The following KIAA1217 variants were observed in gnomAD, a reference collection of about 807,000 sequenced individuals.
KIAA1217 encodes KIAA1217.
In KIAA1217, 88 loss-of-function variants were observed where a neutral mutation model predicts 163.9. The ratio of observed to expected loss-of-function variants is 0.54; its 90% CI spans 0.45 to 0.64. KIAA1217 has a LOEUF of 0.64. KIAA1217 is among the 30% of genes least tolerant of loss of function. The pLI is 0.00. For synonymous variants in KIAA1217, 903 were observed against 923.1 expected, an observed-to-expected ratio of 0.98 and a Z score of 0.39; for missense variants, 2,372 against 2,475.0, an observed-to-expected ratio of 0.96 and a Z score of 0.88.
rs1045435189 is a variant in KIAA1217, at chr10:24,417,914, C to A, written c.554-15081C>A. Among the ~76,000 whole-genome samples the A allele has an allele frequency of 2.5e-4, 37 of 150,026 alleles. 1 individual carries two copies. Among genetic ancestry groups the A allele is most frequent in the African/African-American group, 5.4e-4 (22 of 40,638 alleles). On this transcript the variant is annotated intron_variant, in intron 3 of 20. Coordinates refer to ENST00000376454, the MANE Select transcript of KIAA1217 (RefSeq NM_019590.5). ...TAAGTGGAATAAAAGTATAAAGGAG[C>A]AAGCACCATGGTTTTCTGTCATCTC...
intron 1 of KIAA1217, among the ~76,000 whole-genome samples, chr10:23,702,427 AAAC>A (rs1464812617): frequency 2.6e-5 from 4 of 152,190 alleles, no homozygotes; most frequent in Non-Finnish European, 5.9e-5. Flanking sequence ...TTTCTAATAG[AAAC>A]AACATTATAT....
chr10:24,237,257 C>T lies in KIAA1217; in HGVS notation c.354+17348C>T, dbSNP rs80139831. Among the ~76,000 whole-genome samples, 450 of 152,346 alleles carry T rather than the reference C, an allele frequency of 3.0e-3. 9 individuals carry two copies. The East Asian group carries it at 0.054, about 18-fold the overall frequency. ...TTCTGCCCAGCCTTCGTGTGTTGTC[C>T]TTATTGCTGGGATCCTTGTTGCCAA... On this transcript the variant is annotated intron_variant, in intron 2 of 20. Coordinates refer to ENST00000376454, the MANE Select transcript of KIAA1217 (RefSeq NM_019590.5).
rs1837298367 is a variant in KIAA1217, at chr10:23,712,173, G to A, written c.-321+16939G>A. ...ACAGGGTATCAAAATACCTGGCACA[G>A]AGGTGAAGAGAAAATTATGGTAGAA... On this transcript the variant is annotated intron_variant, in intron 1 of 18. Coordinates refer to the KIAA1217 transcript ENST00000376462. Among the ~76,000 whole-genome samples the A allele has an allele frequency of 3.3e-5, 5 of 152,106 alleles. No homozygotes were observed. The South Asian group carries it at 1.0e-3, about 31-fold the overall frequency.
intron 5 of KIAA1217, among the ~76,000 whole-genome samples, chr10:24,462,549 C>G (rs2132641437): frequency 6.6e-6 from 1 of 152,308 alleles, no homozygotes; most frequent in Admixed American, 6.5e-5. Flanking sequence ...CACTGCTTAG[C>G]AGCTATGGGA....
chr10:24,295,620 A>C (rs16924497), intron 2 of KIAA1217, among the ~76,000 whole-genome samples: 3,708 of 152,050 alleles, frequency 0.024, 159 homozygotes, highest in African/African-American at 0.085. Context: ...CCAATTTCTC[A>C]GGCCCCTGTT....
Position 24,546,979 on chromosome 10 carries a change from GA to G in KIAA1217, c.*659del, listed in dbSNP as rs1206252363. 1 of 151,678 alleles carries G rather than the reference GA, an allele frequency of 6.6e-6. No homozygotes were observed. Among genetic ancestry groups the G allele is most frequent in the Non-Finnish European group, 1.5e-5 (1 of 67,898 alleles). 9.4% of individuals were successfully genotyped at this position (151,678 alleles called of 1,614,324 possible). Reference sequence around the variant, plus strand: ...TTTATCAAACCTATTGCACTGCCATGAAAAGTGTGTATAATAATTTGCTAGC... The same window carrying G: ...TTTATCAAACCTATTGCACTGCCATGAAAGTGTGTATAATAATTTGCTAGC... On this transcript the variant is annotated 3_prime_UTR_variant, in exon 21 of 21. Transcript: ENST00000376454.
chr10:23,716,596 T>C (rs1355253150), intron 1 of KIAA1217, among the ~76,000 whole-genome samples: 1 of 152,184 alleles, frequency 6.6e-6, no homozygotes, highest in Non-Finnish European at 1.5e-5. Context: ...CTTCTCCCTC[T>C]GGAGGCTCCC....
chr10:23,790,669 AT>A (rs1395972468), intron 1 of KIAA1217, among the ~76,000 whole-genome samples: 1 of 128,938 alleles, frequency 7.8e-6, no homozygotes, highest in African/African-American at 3.9e-5. Flanking sequence ...ATACATATAT[AT>A]CATATATATA....
In KIAA1217 at chr10:24,542,640, T is replaced by C. The variant is rs77554698; in HGVS notation, c.3535-53T>C. On this transcript the variant is annotated intron_variant, in intron 17 of 20. Coordinates refer to ENST00000376454, the MANE Select transcript of KIAA1217 (RefSeq NM_019590.5). The stretch of plus-strand genomic sequence containing the variant: ...AGGAACGATTTAGTTATAGTCCACT[T>C]TTTTGGGGGGATGTGGTTTTGTGGA... The C allele has an allele frequency of 1.7e-3, 2,710 of 1,597,796 alleles. 48 individuals are homozygous for C. In the African/African-American group the frequency reaches 0.032, roughly 19 times the overall value.
chr10:24,140,708 T>C (rs78675158), intron 2 of KIAA1217, among the ~76,000 whole-genome samples: 2 of 152,220 alleles, frequency 1.3e-5, no homozygotes, highest in East Asian at 1.9e-4. Context: ...CTGAGGTTAA[T>C]TGAAACATCG....
intron 2 of KIAA1217, among the ~76,000 whole-genome samples, chr10:24,254,432 C>T (rs1444074032): frequency 6.6e-6 from 1 of 152,266 alleles, no homozygotes; most frequent in African/African-American, 2.4e-5. Flanking sequence ...TCCAGCAGGA[C>T]GTATTCTTCA....
At chr10:23,777,154 A>G (rs1835041966) in intron 1 of KIAA1217, among the ~76,000 whole-genome samples, 3 of 152,236 alleles carry the variant, frequency 2.0e-5, no homozygotes, top group Admixed American at 2.0e-4. Context: ...GGAAACATGA[A>G]CTCCAGAGAA....
At chr10:24,254,115 T>C (rs1441358191) in intron 2 of KIAA1217, among the ~76,000 whole-genome samples, 1 of 152,146 alleles carries the variant, frequency 6.6e-6, no homozygotes, top group Non-Finnish European at 1.5e-5. Context: ...AAACCATTAA[T>C]TATATTGAAA....
intron 1 of KIAA1217, among the ~76,000 whole-genome samples, chr10:23,989,367 A>G (rs956547078): frequency 5.3e-5 from 8 of 152,350 alleles, no homozygotes; most frequent in Non-Finnish European, 1.2e-4. Context: ...GTGTAAAACT[A>G]TGTATTTTTT....
intron 2 of KIAA1217, among the ~76,000 whole-genome samples, chr10:24,335,426 G>A (rs1048846458): frequency 4.6e-5 from 7 of 151,476 alleles, no homozygotes; most frequent in Admixed American, 3.3e-4. Flanking sequence ...CCTAGTAGCC[G>A]AGATTACAGG....
chr10:24,516,719 T>C (rs894565568), intron 10 of KIAA1217, among the ~76,000 whole-genome samples: 5 of 152,160 alleles, frequency 3.3e-5, no homozygotes, highest in African/African-American at 9.7e-5. Flanking sequence ...GGAGACCATA[T>C]GGGAAGCTAC....
chr10:23,857,227 C>G (rs190060582), intron 1 of KIAA1217, among the ~76,000 whole-genome samples: 1 of 152,162 alleles, frequency 6.6e-6, no homozygotes, highest in African/African-American at 2.4e-5. Context: ...ACTCCCCATA[C>G]GATACTGACT....
At chr10:23,983,507 G>A (rs1845852424) in intron 1 of KIAA1217, among the ~76,000 whole-genome samples, 1 of 152,030 alleles carries the variant, frequency 6.6e-6, no homozygotes, top group Non-Finnish European at 1.5e-5. Flanking sequence ...GAGAGAGAAG[G>A]TGCTACACAC....
At chr10:24,352,158 G>A (rs566930952) in intron 2 of KIAA1217, among the ~76,000 whole-genome samples, 2,586 of 152,322 alleles carry the variant, frequency 0.017, 31 homozygotes, top group Middle Eastern at 0.075. Flanking sequence ...TGCTGGGGTG[G>A]AAAAGAGGTC....
Sources: gnomAD v4.1 joint callset for allele counts (sites outside exome capture counted in the v4.1 genomes callset) on GRCh38, gnomAD v4.1.1 for gene constraint, MANE v1.5 for transcripts, NCBI Gene and HGNC (gene_info 2026-07-23, HGNC 2026-07-21) for gene names.